The following ANO3 variants were observed in gnomAD, a reference collection of about 807,000 sequenced individuals.
ANO3 encodes anoctamin-3.
ANO3 carries 99 observed loss-of-function variants against 144.8 expected under a neutral mutation model. The observed-to-expected ratio is 0.68, with a 90% confidence interval of 0.58 to 0.81. The LOEUF (loss-of-function observed/expected upper bound fraction) is 0.81, where lower values mean the gene tolerates loss of function less well. ANO3 is among the 30% of genes least tolerant of loss of function. The pLI is 0.00. For missense variants in ANO3, 905 were observed against 1,202.2 expected, an observed-to-expected ratio of 0.75 and a Z score of 3.66; for synonymous variants, 414 against 392.6, an observed-to-expected ratio of 1.05 and a Z score of -0.64.
intron 1 of ANO3, among the ~76,000 whole-genome samples, chr11:26,379,549 A>T (rs1856525837): frequency 6.6e-6 from 1 of 152,094 alleles, no homozygotes; most frequent in South Asian, 2.1e-4. Flanking sequence ...TAGGAGGCTG[A>T]GGTGGGTGGA....
chr11:26,589,975 G>A (rs1448623400), intron 14 of ANO3, among the ~76,000 whole-genome samples: 1 of 152,178 alleles, frequency 6.6e-6, no homozygotes, highest in African/African-American at 2.4e-5. Context: ...CCAAAGGATT[G>A]TGTAAGAGAA....
intron 14 of ANO3, among the ~76,000 whole-genome samples, chr11:26,570,315 A>G (rs1166518783): frequency 6.6e-6 from 1 of 152,070 alleles, no homozygotes; most frequent in African/African-American, 2.4e-5. Flanking sequence ...AGAAAAAACA[A>G]AAACAAAAAA....
intron 1 of ANO3, among the ~76,000 whole-genome samples, chr11:26,408,912 G>A (rs1007549050): frequency 6.6e-6 from 1 of 151,558 alleles, no homozygotes; most frequent in Non-Finnish European, 1.5e-5. Flanking sequence ...ACTCATAGGT[G>A]GGAATTGAAC....
intron 3 of ANO3, among the ~76,000 whole-genome samples, chr11:26,457,402 A>G (rs956148305): frequency 2.6e-5 from 4 of 151,678 alleles, no homozygotes; most frequent in Non-Finnish European, 5.9e-5. Flanking sequence ...CGAGGTAATT[A>G]CATTGTTTCC....
chr11:26,597,448 G>C (rs1253961936), intron 14 of ANO3, among the ~76,000 whole-genome samples: 1 of 152,278 alleles, frequency 6.6e-6, no homozygotes, highest in Admixed American at 6.5e-5. Context: ...GATCCAGAGC[G>C]GCAATGGGCG....
chr11:26,480,666 G>T lies in ANO3; in HGVS notation c.432+17518G>T, dbSNP rs184543999. ...CTACTAAAAATATAAAAATTAGCCA[G>T]GCGTGGTGGCTCGTACCTGTAGACC... On this transcript the variant is annotated intron_variant, in intron 4 of 26. Coordinates refer to ENST00000256737, the MANE Select transcript of ANO3 (RefSeq NM_031418.4). 2.0e-5 allele frequency among the ~76,000 whole-genome samples: 3 copies of T among 152,072 alleles called. No homozygotes were observed. The East Asian group carries it at 5.8e-4, about 29-fold the overall frequency.
At chr11:26,626,457 T>A (rs1243315465) in intron 18 of ANO3, among the ~76,000 whole-genome samples, 1 of 152,206 alleles carries the variant, frequency 6.6e-6, no homozygotes, top group Non-Finnish European at 1.5e-5. Context: ...TTGGGTATAA[T>A]TGAGTATAAT....
At chr11:26,454,829 G>A (rs1167945081) in intron 3 of ANO3, among the ~76,000 whole-genome samples, 7 of 151,784 alleles carry the variant, frequency 4.6e-5, no homozygotes, top group East Asian at 1.9e-4. Flanking sequence ...CCTCAATAAA[G>A]TACTGGCAAA....
chr11:26,263,243 A>T (rs776357342), intron 1 of ANO3, among the ~76,000 whole-genome samples: 4 of 152,208 alleles, frequency 2.6e-5, no homozygotes, highest in African/African-American at 4.8e-5. Context: ...TGTGCAAACC[A>T]ATGAGTCAAA....
intron 1 of ANO3, among the ~76,000 whole-genome samples, chr11:26,373,236 C>T (rs1177094824): frequency 1.3e-5 from 2 of 152,154 alleles, no homozygotes; most frequent in African/African-American, 4.8e-5. Flanking sequence ...ATTGTAATCC[C>T]TATAATCCCT....
chr11:26,491,751 C>T (rs192129368), intron 4 of ANO3, among the ~76,000 whole-genome samples: 6 of 152,230 alleles, frequency 3.9e-5, no homozygotes, highest in African/African-American at 1.2e-4. Context: ...GAATTTTTAC[C>T]TACTTTTTCT....
intron 1 of ANO3, among the ~76,000 whole-genome samples, chr11:26,388,882 C>T (rs1349313575): frequency 6.6e-6 from 1 of 152,024 alleles, no homozygotes; most frequent in Non-Finnish European, 1.5e-5. Context: ...CCTGTACACA[C>T]GTTTACTACA....
At chr11:26,448,887 A>G (rs1309355337) in intron 3 of ANO3, among the ~76,000 whole-genome samples, 1 of 149,688 alleles carries the variant, frequency 6.7e-6, no homozygotes, top group Non-Finnish European at 1.5e-5. Flanking sequence ...TTCTGTTGGT[A>G]CGCTGGTACA....
chr11:26,391,800 A>T (rs970084061), intron 1 of ANO3, among the ~76,000 whole-genome samples: 1 of 152,082 alleles, frequency 6.6e-6, no homozygotes, highest in Non-Finnish European at 1.5e-5. Context: ...TGTGTAGCCA[A>T]CATCTAACCC....
intron 17 of ANO3, among the ~76,000 whole-genome samples, chr11:26,617,998 T>C (rs1852309641): frequency 6.6e-6 from 1 of 152,182 alleles, no homozygotes; most frequent in Non-Finnish European, 1.5e-5. Flanking sequence ...AATCAAATGC[T>C]ACCTTTTGTT....
intron 4 of ANO3, among the ~76,000 whole-genome samples, chr11:26,507,318 T>TAATC (rs1324806206): frequency 7.9e-5 from 12 of 152,202 alleles, no homozygotes; most frequent in Admixed American, 7.9e-4. Flanking sequence ...CTGGACTGGG[T>TAATC]AATCAGTAGG....
chr11:26,274,451 C>T (rs146884531), intron 1 of ANO3, among the ~76,000 whole-genome samples: 17 of 151,996 alleles, frequency 1.1e-4, no homozygotes, highest in African/African-American at 3.1e-4. Context: ...CAGCAGCTAC[C>T]CACTCGTGTT....
Position 26,590,643 on chromosome 11 carries a change from C to T in ANO3, c.1448-7722C>T, listed in dbSNP as rs1471802322. 2.0e-5 allele frequency among the ~76,000 whole-genome samples: 3 copies of T among 152,314 alleles called. No homozygotes were observed. In the East Asian group the frequency reaches 5.8e-4, roughly 29 times the overall value. On this transcript the variant is annotated intron_variant, in intron 14 of 26. Coordinates refer to ENST00000256737, the MANE Select transcript of ANO3 (RefSeq NM_031418.4). ...GGTCATGGAAGAGAACTGTGGAACC[C>T]AGTGACTAGTGTTCAGCTCAATTAG...
At chr11:26,513,398 G>A (rs77242408) in intron 5 of ANO3, among the ~76,000 whole-genome samples, 16,874 of 152,198 alleles carry the variant, frequency 0.11, 1,316 homozygotes, top group Admixed American at 0.16. Flanking sequence ...TGACGATGAT[G>A]TAAACCAGAG....
Sources: gnomAD v4.1 joint callset for allele counts (sites outside exome capture counted in the v4.1 genomes callset) on GRCh38, gnomAD v4.1.1 for gene constraint, MANE v1.5 for transcripts, NCBI Gene and HGNC (gene_info 2026-07-23, HGNC 2026-07-21) for gene names.